ATP10D: variants seen among roughly 807,000 people sequenced by gnomAD.
The protein encoded by ATP10D is phospholipid-transporting ATPase VD.
ATP10D carries 89 observed loss-of-function variants against 144.8 expected under a neutral mutation model. That is an observed-to-expected ratio of 0.61 (90% CI 0.52 to 0.73). The LOEUF is 0.73. Among genes scored for constraint, ATP10D ranks in the 30% least tolerant of loss-of-function variants. The pLI is 0.00. For missense variants in ATP10D, 1,603 were observed against 1,714.8 expected, an observed-to-expected ratio of 0.93 and a Z score of 1.15; for synonymous variants, 571 against 615.1, an observed-to-expected ratio of 0.93 and a Z score of 1.06.
rs895223272 is a variant in ATP10D at position 47,591,620 on chromosome 4, T to C, written c.*239T>C. The stretch of plus-strand genomic sequence containing the variant: ...ATATTTAATTCAGAACCAAATGCTT[T>C]TGTAAAACTTTTTGGATTTTGTAAA... On this transcript the variant is annotated 3_prime_UTR_variant, in exon 23 of 23. Coordinates refer to ENST00000273859, the MANE Select transcript of ATP10D (RefSeq NM_020453.4). 3.5e-5 allele frequency: 11 copies of C among 315,156 alleles called. No homozygotes were observed. The highest frequency in any genetic ancestry group is 6.3e-5 in the Non-Finnish European group (11 of 174,096). 19.5% of individuals were successfully genotyped at this position (315,156 alleles called of 1,614,324 possible). A position where few individuals can be genotyped will look rare whatever the true frequency, so the allele number is the denominator to read the frequency against.
At chr4:47,516,514 A>G (rs1716697069) in intron 3 of ATP10D, among the ~76,000 whole-genome samples, 1 of 152,234 alleles carries the variant, frequency 6.6e-6, no homozygotes, top group South Asian at 2.1e-4. Flanking sequence ...AGTAAACCGT[A>G]TAGACAAATA....
At chr4:47,577,015 T>C (rs749832547) in intron 19 of ATP10D, 42 bp downstream of exon 19, 3 of 1,569,674 alleles carry the variant, frequency 1.9e-6, no homozygotes, top group Non-Finnish European at 2.6e-6. Context: ...TGCATATCCA[T>C]TGTCAAAGCC....
At position 47,567,682 on chromosome 4, in the gene ATP10D, T is replaced by A. The variant is rs182157864; in HGVS notation, c.2854-1155T>A. Among the ~76,000 whole-genome samples, 62 of 152,370 alleles carry A rather than the reference T, an allele frequency of 4.1e-4. No homozygotes were observed. The East Asian group carries it at 0.011, about 27-fold the overall frequency. ...GAGCTGTATGAGCATATCTGATTCATCTTTGTATACTTTGCCTTAAGGGCT... is the reference window on the plus strand; with the variant it reads ...GAGCTGTATGAGCATATCTGATTCAACTTTGTATACTTTGCCTTAAGGGCT... On this transcript the variant is annotated intron_variant, in intron 15 of 22. Coordinates refer to ENST00000273859, the MANE Select transcript of ATP10D (RefSeq NM_020453.4).
intron 1 of ATP10D, among the ~76,000 whole-genome samples, chr4:47,490,573 A>C (rs569859399): frequency 7.9e-5 from 12 of 152,286 alleles, no homozygotes; most frequent in Non-Finnish European, 1.5e-5. Context: ...TGCCTGCTTG[A>C]TTTGGGTCAT....
intron 16 of ATP10D, 82 bp from the exon 17 acceptor site, chr4:47,572,072 G>C: frequency 8.1e-7 from 1 of 1,230,266 alleles, no homozygotes; most frequent in Non-Finnish European, 1.2e-6. Context: ...TTGTTCACTT[G>C]AGCTGCCCCT....
intron 3 of ATP10D, among the ~76,000 whole-genome samples, chr4:47,517,890 AG>A (rs1206271078): frequency 1.3e-5 from 2 of 152,108 alleles, no homozygotes; most frequent in South Asian, 2.1e-4. Context: ...ATCCATTCTA[AG>A]ATGTTCCTTT....
chr4:47,538,013 T>C (rs1717937870), intron 9 of ATP10D, among the ~76,000 whole-genome samples: 1 of 152,176 alleles, frequency 6.6e-6, no homozygotes, highest in Non-Finnish European at 1.5e-5. Flanking sequence ...AGACACATTT[T>C]CCTCTAAAAT....
At chr4:47,570,399 G>C (rs1719888198) in intron 16 of ATP10D, among the ~76,000 whole-genome samples, 1 of 152,210 alleles carries the variant, frequency 6.6e-6, no homozygotes, top group African/African-American at 2.4e-5. Context: ...TGTGAAGTTT[G>C]AAAAGGCCAT....
At chr4:47,494,346 A>G (rs1312965469) in intron 1 of ATP10D, among the ~76,000 whole-genome samples, 2 of 152,108 alleles carry the variant, frequency 1.3e-5, no homozygotes, top group African/African-American at 2.4e-5. Flanking sequence ...GCGATCCTGC[A>G]TGCTTTTGAA....
At chr4:47,514,815 A>G (rs1256456915) in intron 2 of ATP10D, among the ~76,000 whole-genome samples, 4 of 152,092 alleles carry the variant, frequency 2.6e-5, no homozygotes, top group Non-Finnish European at 5.9e-5. Context: ...TTGTTAATTA[A>G]TTTTTATACC....
intron 1 of ATP10D, among the ~76,000 whole-genome samples, chr4:47,492,072 T>C (rs2109380716): frequency 6.6e-6 from 1 of 152,300 alleles, no homozygotes. Flanking sequence ...ATTTCCAGTA[T>C]CGATAACAAT....
chr4:47,492,735 T>C (rs1455221244), intron 1 of ATP10D, among the ~76,000 whole-genome samples: 1 of 152,154 alleles, frequency 6.6e-6, no homozygotes, highest in Non-Finnish European at 1.5e-5. Flanking sequence ...TTAATACATT[T>C]TCGAAATTAA....
intron 9 of ATP10D, among the ~76,000 whole-genome samples, chr4:47,546,220 A>G (rs12502321): frequency 0.24 from 35,747 of 152,084 alleles, 4,192 homozygotes; most frequent in Admixed American, 0.3. Context: ...ACAGAAAGCC[A>G]TGAAATTACT....
At chr4:47,563,480 A>T in intron 14 of ATP10D, 101 bp from the exon 15 acceptor site, 1 of 1,083,100 alleles carries the variant, frequency 9.2e-7, no homozygotes, top group Non-Finnish European at 1.3e-6. Context: ...TATGTAGTGT[A>T]GGGTTGAGTT....
In ATP10D at chr4:47,536,815, A is replaced by G; in HGVS notation, c.1273A>G (p.Ile425Val). Residue 425 changes from isoleucine to valine, a missense_variant, in exon 9 of 23, where the codon ATC (isoleucine) becomes GTC (valine). Physicochemically the swap from Ile to Val is conservative, Grantham distance 29 (BLOSUM62 3). Transcript: ENST00000273859. Reference protein sequence around the residue: ...DSIVQCRALNIAEDLGQIQYL... With the variant: ...DSIVQCRALNVAEDLGQIQYL... ...TATTGTTCAGTGCCGAGCCCTGAAC[A>G]TCGCCGAGGATCTGGGACAGATTCA... 5 of 1,613,320 alleles carry G rather than the reference A, an allele frequency of 3.1e-6. No homozygotes were observed. The highest frequency in any genetic ancestry group is 4.2e-6 in the Non-Finnish European group (5 of 1,179,648).
chr4:47,495,197 G>A (rs1715286886), intron 1 of ATP10D, among the ~76,000 whole-genome samples: 1 of 151,938 alleles, frequency 6.6e-6, no homozygotes, highest in Admixed American at 6.6e-5. Flanking sequence ...TGTAATTTCT[G>A]GTTTAATATT....
intron 5 of ATP10D, among the ~76,000 whole-genome samples, chr4:47,530,784 G>A (rs1403211265): frequency 6.6e-6 from 1 of 152,050 alleles, no homozygotes; most frequent in East Asian, 1.9e-4. Context: ...CTGTCTATGT[G>A]GTGAATCACA....
chr4:47,523,701 CA>C (rs1717089337), intron 4 of ATP10D, among the ~76,000 whole-genome samples: 1 of 152,106 alleles, frequency 6.6e-6, no homozygotes, highest in Admixed American at 6.5e-5. Context: ...AGACTTTGGA[CA>C]AGTCATTTAA....
chr4:47,491,386 G>T, intron 1 of ATP10D: 1 of 730,958 alleles, frequency 1.4e-6, no homozygotes, highest in Non-Finnish European at 2.5e-6. Flanking sequence ...GTGGCCAAAG[G>T]AACAACTCCA....
Sources: allele counts gnomAD v4.1 joint callset (sites outside exome capture counted in the v4.1 genomes callset), GRCh38; gene constraint gnomAD v4.1.1; transcripts MANE v1.5; gene names NCBI Gene and HGNC (gene_info 2026-07-23, HGNC 2026-07-21).